The following ZNF605 variants were observed in gnomAD, a reference collection of about 807,000 sequenced individuals.
The protein encoded by ZNF605 is zinc finger protein 605.
In ZNF605, 9 loss-of-function variants were observed where a neutral mutation model predicts 7.9. The observed-to-expected ratio is 1.14, with a 90% CI of 0.68 to 1.98. ZNF605 has a LOEUF of 1.98. Among genes scored for constraint, ZNF605 ranks in the 30% most tolerant of loss-of-function variants. The pLI is 0.00. For synonymous variants in ZNF605, 255 were observed against 260.1 expected (o/e 0.98, Z 0.19); for missense variants, 673 against 762.4 (o/e 0.88, Z 1.38).
intron 1 of ZNF605, among the ~76,000 whole-genome samples, chr12:132,954,348 AGGAGAAGGGTGGGGAGCGGG>A (rs1449078894): frequency 1.9e-5 from 1 of 53,052 alleles, no homozygotes; most frequent in Admixed American, 2.5e-4. Context: ...TGGGGAGGGG[AGGAGAAGGGTGGGGAGCGGG>A]GGAGAAGGGG....
Position 132,929,869 on chromosome 12 carries a change from C to T in ZNF605, c.137-2707G>A, listed in dbSNP as rs1013471338. On this transcript the variant is annotated intron_variant, in intron 4 of 4. Coordinates refer to ENST00000360187, the MANE Select transcript of ZNF605 (RefSeq NM_183238.4). The stretch of plus-strand genomic sequence containing the variant: ...CTGAGGCAGGAGAATCGCTTGAACC[C>T]GGGAGTCGGAGGTTGTAGTGAGCTG... 7.9e-5 allele frequency among the ~76,000 whole-genome samples: 12 copies of T among 152,240 alleles called. No individual in the cohort carries two copies. The East Asian group carries it at 2.1e-3, about 27-fold the overall frequency.
At chr12:132,928,894 G>C (rs1318734979) in intron 4 of ZNF605, among the ~76,000 whole-genome samples, 8 of 151,848 alleles carry the variant, frequency 5.3e-5, no homozygotes, top group African/African-American at 1.9e-4. Context: ...GTGCACACGT[G>C]AAGTCCCAGC....
rs1428917080 is a variant in ZNF605 at position 132,936,060 on chromosome 12, C to CA, written c.16-2906dup. On this transcript the variant is annotated intron_variant, in intron 3 of 4. Transcript: ENST00000360187. Reference sequence around the variant, plus strand: ...TGGGCGACAGAGCAAGACTCCATCTCAAAAAAAACCAAAAAAAAACAAACA... The same window carrying CA: ...TGGGCGACAGAGCAAGACTCCATCTCAAAAAAAAACCAAAAAAAAACAAACA... Among the ~76,000 whole-genome samples, 7 of 145,572 alleles carry CA rather than the reference C, an allele frequency of 4.8e-5. No homozygotes were observed. The East Asian group carries it at 6.0e-4, about 12-fold the overall frequency.
chr12:132,927,528 G>T (rs1952258690), intron 4 of ZNF605, among the ~76,000 whole-genome samples: 1 of 151,828 alleles, frequency 6.6e-6, no homozygotes, highest in Admixed American at 6.6e-5. Flanking sequence ...ACCACACCCG[G>T]CTACTTTTTG....
At chr12:132,954,254 C>G (rs1404753782) in intron 1 of ZNF605, among the ~76,000 whole-genome samples, 1 of 147,920 alleles carries the variant, frequency 6.8e-6, no homozygotes, top group African/African-American at 2.5e-5. Context: ...CCCAAAGCCC[C>G]ACTTAAGAAT....
chr12:132,952,703 G>A (rs1952585181), intron 1 of ZNF605, among the ~76,000 whole-genome samples: 3 of 151,742 alleles, frequency 2.0e-5, no homozygotes. Context: ...CAGCAAGGGG[G>A]AAATTCTACA....
rs1011224068 is a variant in ZNF605, at chr12:132,927,024, G to A, written c.275C>T (p.Ser92Phe). The change falls in exon 5 of 5, where the codon TCC becomes TTC. Residue 92 changes from serine (S) to phenylalanine (F), a missense_variant. Coordinates refer to ENST00000360187, the MANE Select transcript of ZNF605 (RefSeq NM_183238.4). The stretch of plus-strand genomic sequence containing the variant: ...TTTTTCTCCTGTGCCACATTTATGG[G>A]ATCGCAGTCCTACATGAACAATGTT... ...SINIVHVGLR[S>F]HKCGTGEKSL... 38 of 1,610,030 alleles carry A rather than the reference G, an allele frequency of 2.4e-5. No homozygotes were observed. The highest frequency in any genetic ancestry group is 3.1e-5 in the Non-Finnish European group (36 of 1,179,902).
In ZNF605 at chr12:132,926,739, T is replaced by G; in HGVS notation, c.560A>C (p.His187Pro). The change falls in exon 5 of 5, where the codon CAC becomes CCC. Residue 187 changes from histidine (H) to proline (P), a missense_variant. Coordinates refer to ENST00000360187, the MANE Select transcript of ZNF605 (RefSeq NM_183238.4). ...FFNKKSQLVI[H>P]QRTHTGEKPY... is the part of the protein sequence containing the mutation. ...CTTCTCTCCTGTATGAGTTCTCTGG[T>G]GTATAACAAGTTGTGACTTCTTGTT... The G allele has an allele frequency of 6.2e-7, 1 of 1,614,018 alleles. No individual in the cohort carries two copies. Among genetic ancestry groups the G allele is most frequent in the Non-Finnish European group, 8.5e-7 (1 of 1,179,870 alleles).
Position 132,922,439 on chromosome 12 carries a change from G to A in ZNF605, c.*2934C>T, listed in dbSNP as rs572425950. ...GAAAAGCACAAAGAACTTTGTATTTGTTATAATTTCTACTGCATTGTCCAG... is the reference window on the plus strand; with the variant it reads ...GAAAAGCACAAAGAACTTTGTATTTATTATAATTTCTACTGCATTGTCCAG... On this transcript the variant is annotated 3_prime_UTR_variant, in exon 5 of 5. Transcript: ENST00000360187. The A allele has an allele frequency of 3.3e-5, 5 of 152,294 alleles. No individual in the cohort carries two copies. Among genetic ancestry groups the A allele is most frequent in the East Asian group, 1.9e-4 (1 of 5,184 alleles). 9.4% of individuals were successfully genotyped at this position (152,294 alleles called of 1,614,324 possible). A position where few individuals can be genotyped will look rare whatever the true frequency, so the allele number is the denominator to read the frequency against.
At chr12:132,932,575 T>A (rs1952318871) in intron 4 of ZNF605, 3 of 585,898 alleles carry the variant, frequency 5.1e-6, no homozygotes, top group Non-Finnish European at 8.9e-6. Context: ...AAAACTCATG[T>A]CACCAATCTT....
In ZNF605 at chr12:132,933,821, G is replaced by C. The variant is rs1221089950; in HGVS notation, c.16-666C>G. 6.6e-6 allele frequency among the ~76,000 whole-genome samples: 1 copy of C among 152,204 alleles called. No homozygotes were observed. The highest frequency in any genetic ancestry group is 2.4e-5 in the African/African-American group (1 of 41,444). On this transcript the variant is annotated intron_variant, in intron 3 of 4. Coordinates refer to ENST00000360187, the MANE Select transcript of ZNF605 (RefSeq NM_183238.4). The surrounding 1 kb of genome is among the most constrained non-coding windows in gnomAD (Gnocchi z 4.4). ...TACCTATCCACTGAACAAGAAACCA[G>C]AATAGGTTGTCTTTAAACAATACAG...
In ZNF605 at chr12:132,925,697, T is replaced by C; in HGVS notation, c.1602A>G (p.Glu534=). ...CAAATGCTTTCCCACATTCACTGCATTCATAGGGTTTCTCCCCTGTATGAA... is the reference window on the plus strand; with the variant it reads ...CAAATGCTTTCCCACATTCACTGCACTCATAGGGTTTCTCCCCTGTATGAA... The part of the protein sequence containing the change: ...QRIHTGEKPY[E]CSECGKAFVQ... Residue 534 remains glutamate, a synonymous_variant, in exon 5 of 5, where the codon GAA becomes GAG. Transcript: ENST00000360187. The C allele has an allele frequency of 6.2e-7, 1 of 1,614,222 alleles. No homozygotes were observed.
rs1174565514 is a variant in ZNF605 at position 132,926,477 on chromosome 12, C to T, written c.822G>A (p.Thr274=). Residue 274 remains threonine (T), a synonymous_variant, in exon 5 of 5, where the codon ACG becomes ACA. Coordinates refer to ENST00000360187, the MANE Select transcript of ZNF605 (RefSeq NM_183238.4). ...AACTGTAGGGTTTCTCTATTGTGTG[C>T]GTTATCTGATGTCTTTTAAGCTGCG... is the stretch of plus-strand genomic sequence containing the variant. ...RKSQLKRHQI[T]HTIEKPYSCS... The T allele has an allele frequency of 2.2e-5, 36 of 1,613,724 alleles. No individual in the cohort carries two copies. Among genetic ancestry groups the T allele is most frequent in the Non-Finnish European group, 2.7e-5 (32 of 1,179,982 alleles).
chr12:132,926,182 C>T lies in ZNF605; in HGVS notation c.1117G>A (p.Ala373Thr), dbSNP rs1388841865. ...KPYECNECGE[A>T]FIRKPQLIKH... ...ATCAGCTGTGGTTTTCTGATGAAGG[C>T]TTCACCACATTCGTTGCATTCGTAG... Residue 373 changes from alanine to threonine, a missense_variant, in exon 5 of 5, where the codon GCC (alanine) becomes ACC (threonine). Physicochemically the swap from Ala to Thr is moderately conservative, Grantham distance 58. Transcript: ENST00000360187. The T allele has an allele frequency of 6.2e-7, 1 of 1,614,142 alleles. No individual in the cohort carries two copies. The highest frequency in any genetic ancestry group is 8.5e-7 in the Non-Finnish European group (1 of 1,180,022).
Position 132,923,615 on chromosome 12 carries a change from TTC to T in ZNF605, c.*1756_*1757del, listed in dbSNP as rs753196067. On this transcript the variant is annotated 3_prime_UTR_variant, in exon 5 of 5. Transcript: ENST00000360187. ...TTTTTCTCAAGGTGTTTTAAAAGTA[TTC>T]TGTTTATCAGTGCTTTTCATGAATG... 20 of 152,204 alleles carry T rather than the reference TTC, an allele frequency of 1.3e-4. No individual in the cohort carries two copies. The highest frequency in any genetic ancestry group is 2.5e-4 in the Non-Finnish European group (17 of 68,034). 9.4% of individuals were successfully genotyped at this position (152,204 alleles called of 1,614,324 possible). A position where few individuals can be genotyped will look rare whatever the true frequency, so the allele number is the denominator to read the frequency against.
Position 132,933,179 on chromosome 12 carries a change from A to G in ZNF605, c.16-24T>C. ...ATCTGGAAAAGCATAATCCCTGTTA[A>G]ACCTGAAGTGGTTCTCATTTGGTCT... is the stretch of plus-strand genomic sequence containing the variant. On this transcript the variant is annotated intron_variant, in intron 3 of 4. Transcript: ENST00000360187. This position sits in a 1 kb window ranked among gnomAD's most constrained non-coding sequence, Gnocchi z 4.4. 1 of 1,586,764 alleles carries G rather than the reference A, an allele frequency of 6.3e-7. No individual in the cohort carries two copies. Among genetic ancestry groups the G allele is most frequent in the South Asian group, 1.2e-5 (1 of 86,848 alleles).
In ZNF605 at chr12:132,921,053, C is replaced by G. The variant is rs1420126424; in HGVS notation, c.*4320G>C. ...TGTTATTCAGGCTGGTCGCGAACTC[C>G]TGAACTCAGGTGATCCACCCACCTC... On this transcript the variant is annotated 3_prime_UTR_variant, in exon 5 of 5. Transcript: ENST00000360187. The G allele has an allele frequency of 6.6e-6, 1 of 152,160 alleles. No individual in the cohort carries two copies. The highest frequency in any genetic ancestry group is 1.5e-5 in the Non-Finnish European group (1 of 68,064). 9.4% of individuals were successfully genotyped at this position (152,160 alleles called of 1,614,324 possible).
In ZNF605 at chr12:132,945,758, C is replaced by T; in HGVS notation, c.-123G>A. 7.2e-7 allele frequency: 1 copy of T among 1,379,476 alleles called. No homozygotes were observed. Among genetic ancestry groups the T allele is most frequent in the Non-Finnish European group, 1.0e-6 (1 of 967,282 alleles). The allele number at this position is 1,379,476 out of a possible 1,614,324, so 85.5% of individuals were successfully genotyped here. ...TCCTTGGTCTTGTGGGCTCTTCTTT[C>T]TTATCTCACATGAATTGTCTTGTTC... On this transcript the variant is annotated 5_prime_UTR_variant, in exon 3 of 5. Transcript: ENST00000360187.
rs199683766 is a variant in ZNF605 at position 132,937,897 on chromosome 12, C to T, written c.16-4742G>A. On this transcript the variant is annotated intron_variant, in intron 3 of 4. Transcript: ENST00000360187. ...ACGCCAAGAAAAAGGAAGAAACTACCGATAAGATATGAATGAATCTCAAAG... is the reference window on the plus strand; with the variant it reads ...ACGCCAAGAAAAAGGAAGAAACTACTGATAAGATATGAATGAATCTCAAAG... Among the ~76,000 whole-genome samples, 28 of 152,274 alleles carry T rather than the reference C, an allele frequency of 1.8e-4. No homozygotes were observed. In the East Asian group the frequency reaches 2.7e-3, roughly 15 times the overall value.
Sources: allele counts gnomAD v4.1 joint callset (sites outside exome capture counted in the v4.1 genomes callset), GRCh38; gene constraint gnomAD v4.1.1; non-coding constraint Gnocchi (gnomAD v3.1); transcripts MANE v1.5; gene names NCBI Gene and HGNC (gene_info 2026-07-23, HGNC 2026-07-21).